The following CALCR variants were observed in gnomAD, a reference collection of about 807,000 sequenced individuals.
The protein encoded by CALCR is calcitonin receptor.
CALCR carries 47 observed loss-of-function variants against 59.5 expected under a neutral mutation model. The ratio of observed to expected loss-of-function variants is 0.79; its 90% CI spans 0.63 to 1.01. The LOEUF (loss-of-function observed/expected upper bound fraction) is 1.01. Ranked by LOEUF, CALCR falls within the 50% of genes least tolerant of loss-of-function variation. The pLI is 0.00. For synonymous variants in CALCR, 213 were observed against 211.3 expected (o/e 1.01, Z -0.07); for missense variants, 566 against 597.1 (o/e 0.95, Z 0.54).
intron 2 of CALCR, among the ~76,000 whole-genome samples, chr7:93,539,331 T>A (rs1465140170): frequency 6.6e-6 from 1 of 152,086 alleles, no homozygotes; most frequent in Non-Finnish European, 1.5e-5. Context: ...GGTTGCCATT[T>A]AGAGTAGGTG....
intron 2 of CALCR, among the ~76,000 whole-genome samples, chr7:93,491,876 T>G (rs1336235468): frequency 6.6e-6 from 1 of 151,844 alleles, no homozygotes; most frequent in East Asian, 1.9e-4. Flanking sequence ...AGAAATACCA[T>G]TTGACCCAGC....
In CALCR at chr7:93,460,919, G is replaced by A. The variant is rs1255819596; in HGVS notation, c.550C>T (p.His184Tyr). The stretch of plus-strand genomic sequence containing the variant: ...ATGTAAGTAAGAAACATGTTCTTGT[G>A]CAGGGTTACCCTTTGGCAGCCAAGG... ...RSLGCQRVTLHKNMFLTYILN... is the reference protein window; with the variant it reads ...RSLGCQRVTLYKNMFLTYILN... The change falls in exon 8 of 14, where the codon CAC becomes TAC. Residue 184 changes from histidine to tyrosine, a missense_variant. By Grantham distance (83) the His-to-Tyr change is moderately conservative (BLOSUM62 2). Coordinates refer to ENST00000426151, the MANE Select transcript of CALCR (RefSeq NM_001742.4). 1.9e-6 allele frequency: 3 copies of A among 1,611,028 alleles called. No homozygotes were observed. Among genetic ancestry groups the A allele is most frequent in the African/African-American group, 1.3e-5 (1 of 74,630 alleles).
intron 11 of CALCR, among the ~76,000 whole-genome samples, chr7:93,437,754 T>C (rs1347168817): frequency 6.6e-6 from 1 of 152,140 alleles, no homozygotes; most frequent in African/African-American, 2.4e-5. Context: ...CAAACAAACT[T>C]CTTGCAGCCC....
At chr7:93,507,494 A>T (rs1223491011) in intron 2 of CALCR, among the ~76,000 whole-genome samples, 1 of 151,910 alleles carries the variant, frequency 6.6e-6, no homozygotes. Context: ...GACAGCCTAG[A>T]TGTTGAATCA....
intron 4 of CALCR, among the ~76,000 whole-genome samples, chr7:93,478,817 G>A (rs1359127696): frequency 6.6e-6 from 1 of 151,676 alleles, no homozygotes; most frequent in Non-Finnish European, 1.5e-5. Context: ...AAATATCTGG[G>A]CAGTCACATA....
At chr7:93,526,490 T>C (rs996318645) in intron 2 of CALCR, among the ~76,000 whole-genome samples, 10 of 140,966 alleles carry the variant, frequency 7.1e-5, no homozygotes, top group African/African-American at 2.8e-4. Flanking sequence ...TTCAGAGATA[T>C]GGTAAAGGAA....
At chr7:93,482,117 G>A (rs1800810196) in intron 3 of CALCR, among the ~76,000 whole-genome samples, 2 of 151,906 alleles carry the variant, frequency 1.3e-5, no homozygotes, top group Admixed American at 1.3e-4. Flanking sequence ...ATTGGAACAC[G>A]ATTTGCAAAA....
intron 2 of CALCR, among the ~76,000 whole-genome samples, chr7:93,503,656 G>A (rs999902146): frequency 1.3e-5 from 2 of 152,154 alleles, no homozygotes; most frequent in African/African-American, 4.8e-5. Flanking sequence ...GTGCACTGTT[G>A]CTGATAGGAA....
rs542338097 is a variant in CALCR, at chr7:93,560,248, G to T, written c.-27+14041C>A. On this transcript the variant is annotated intron_variant, in intron 2 of 13. Coordinates refer to ENST00000426151, the MANE Select transcript of CALCR (RefSeq NM_001742.4). ...TGATGAAAATAAAGCTTTTTACTAA[G>T]GAATCAGTGACACACCCACTTTTTC... Among the ~76,000 whole-genome samples, 3 of 152,018 alleles carry T rather than the reference G, an allele frequency of 2.0e-5. No homozygotes were observed. In the East Asian group the frequency reaches 5.8e-4, roughly 29 times the overall value.
chr7:93,502,475 TA>T (rs1408586512), intron 2 of CALCR, among the ~76,000 whole-genome samples: 1 of 152,166 alleles, frequency 6.6e-6, no homozygotes, highest in African/African-American at 2.4e-5. Context: ...TTTTTTTCTT[TA>T]ATTGATCTAC....
At chr7:93,450,763 G>GT (rs1291716325) in intron 8 of CALCR, among the ~76,000 whole-genome samples, 1 of 151,776 alleles carries the variant, frequency 6.6e-6, no homozygotes, top group Admixed American at 6.6e-5. Context: ...TCTGTGAGAG[G>GT]TTTTTGCCAG....
At chr7:93,465,462 T>C (rs1469473709) in intron 7 of CALCR, among the ~76,000 whole-genome samples, 1 of 151,954 alleles carries the variant, frequency 6.6e-6, no homozygotes, top group African/African-American at 2.4e-5. Flanking sequence ...ATTCCAATTT[T>C]TTCTGCGAAG....
chr7:93,495,096 G>C (rs1198186569), intron 2 of CALCR, among the ~76,000 whole-genome samples: 1 of 151,338 alleles, frequency 6.6e-6, no homozygotes, highest in African/African-American at 2.4e-5. Flanking sequence ...CTGAGCCTTA[G>C]AGAGTGAAAC....
chr7:93,536,542 TTTTTAA>T (rs1232956505), intron 2 of CALCR, among the ~76,000 whole-genome samples: 1 of 145,374 alleles, frequency 6.9e-6, no homozygotes, highest in Non-Finnish European at 1.6e-5. Context: ...TTTTATTTTA[TTTTTAA>T]TTTTATCATT....
In CALCR at chr7:93,425,253, G is replaced by GTAA. The variant is rs1421809663; in HGVS notation, c.*1100_*1102dup. 1 of 152,466 alleles carries GTAA rather than the reference G, an allele frequency of 6.6e-6. No homozygotes were observed. Among genetic ancestry groups the GTAA allele is most frequent in the Non-Finnish European group, 1.5e-5 (1 of 67,994 alleles). 9.4% of individuals were successfully genotyped at this position (152,466 alleles called of 1,614,324 possible). ...GTTAATTTTTTCCCCTCCTGTTTTG[G>GTAA]TAATAACAAGAAACAAGCGGTCAAC... On this transcript the variant is annotated 3_prime_UTR_variant, in exon 14 of 14. Transcript: ENST00000426151.
At chr7:93,543,580 T>C (rs1226499764) in intron 2 of CALCR, among the ~76,000 whole-genome samples, 1 of 152,126 alleles carries the variant, frequency 6.6e-6, no homozygotes, top group Non-Finnish European at 1.5e-5. Flanking sequence ...TTCAGCTCCA[T>C]TATAATCTTA....
At chr7:93,490,713 C>T (rs1215675038) in intron 2 of CALCR, among the ~76,000 whole-genome samples, 1 of 151,822 alleles carries the variant, frequency 6.6e-6, no homozygotes, top group Admixed American at 6.6e-5. Flanking sequence ...TGTGAAGGAC[C>T]TCTTCAAGGA....
chr7:93,497,782 T>C (rs1801241439), intron 2 of CALCR, among the ~76,000 whole-genome samples: 1 of 151,626 alleles, frequency 6.6e-6, no homozygotes, highest in South Asian at 2.1e-4. Context: ...TGATCTCTAT[T>C]ATATCTATTT....
intron 2 of CALCR, among the ~76,000 whole-genome samples, chr7:93,557,677 A>G (rs1789643793): frequency 6.6e-6 from 1 of 151,966 alleles, no homozygotes; most frequent in Admixed American, 6.6e-5. Flanking sequence ...TATAACACCT[A>G]GATTATAACA....
Sources: allele counts gnomAD v4.1 joint callset (sites outside exome capture counted in the v4.1 genomes callset), GRCh38; gene constraint gnomAD v4.1.1; transcripts MANE v1.5; gene names NCBI Gene and HGNC (gene_info 2026-07-23, HGNC 2026-07-21).